The following EFEMP2 variants were observed in gnomAD, a reference collection of about 807,000 sequenced individuals.
The protein encoded by EFEMP2 is EGF-like fibulin extracellular matrix protein 2.
In EFEMP2, 21 loss-of-function variants were observed where a neutral mutation model predicts 55.3. The ratio of observed to expected loss-of-function variants is 0.38; its 90% CI spans 0.27 to 0.55. The LOEUF is 0.55. Ranked by LOEUF, EFEMP2 falls within the 20% of genes least tolerant of loss-of-function variation. EFEMP2 has a pLI of 0.77. For missense variants in EFEMP2, 513 were observed against 615.1 expected (o/e 0.83, Z 1.76); for synonymous variants, 275 against 242.3 (o/e 1.14, Z -1.25).
rs1859976909 is a variant in EFEMP2, at chr11:65,872,238, C to T, written c.111+6G>A. The T allele has an allele frequency of 3.2e-6, 5 of 1,550,948 alleles. No individual in the cohort carries two copies. The highest frequency in any genetic ancestry group is 2.6e-6 in the Non-Finnish European group (3 of 1,146,390). On this transcript the variant is annotated splice_donor_region_variant and intron_variant, in intron 2 of 10. Transcript: ENST00000307998. ...GTCCCAGGCCAGCGGCCCTCACTGTCCCCACCGTGTAGCTGTCGGGCTCTT... is the reference window on the plus strand; with the variant it reads ...GTCCCAGGCCAGCGGCCCTCACTGTTCCCACCGTGTAGCTGTCGGGCTCTT...
chr11:65,870,700 A>G lies in EFEMP2; in HGVS notation c.368-42T>C, dbSNP rs776402137. On this transcript the variant is annotated intron_variant, in intron 4 of 10. Coordinates refer to ENST00000307998, the MANE Select transcript of EFEMP2 (RefSeq NM_016938.5). ...TCAGCCCCTGCCTGGGATCCCGCAC[A>G]CCACCCAACATGACAGATAGTTCCA... is the stretch of plus-strand genomic sequence containing the variant. 2.5e-6 allele frequency: 4 copies of G among 1,613,126 alleles called. No individual in the cohort carries two copies. In the Admixed American group the frequency reaches 5.0e-5, roughly 20 times the overall value.
At chr11:65,867,786 CCGA>C in intron 10 of EFEMP2, 72 bp downstream of exon 10, 3 of 1,547,796 alleles carry the variant, frequency 1.9e-6, no homozygotes, top group Middle Eastern at 1.7e-4. Flanking sequence ...AGCAGCCTGG[CCGA>C]GTTCCCCCTT....
chr11:65,869,860 T>C lies in EFEMP2; in HGVS notation c.724A>G (p.Ser242Gly), dbSNP rs373202527. The C allele has an allele frequency of 6.2e-6, 10 of 1,613,804 alleles. No homozygotes were observed. The Admixed American group carries it at 8.3e-5, about 13-fold the overall frequency. Residue 242 changes from serine (S) to glycine (G), a missense_variant, in exon 7 of 11, where the codon AGT becomes GGT. By Grantham distance (56) the Ser-to-Gly change is moderately conservative (BLOSUM62 0). Transcript: ENST00000307998. ...YELHRDGFSC[S>G]DIDECSYSSY... ...ACAGCAGGGATGGAGCTCTCACCAC[T>C]GCAGGAGAAGCCATCCCGATGCAGC...
chr11:65,871,700 G>C (rs2134752750), intron 3 of EFEMP2: 2 of 600,734 alleles, frequency 3.3e-6, no homozygotes, highest in South Asian at 2.0e-5. Flanking sequence ...CAAAGAGCTG[G>C]GACAGGAGAG....
Position 65,866,795 on chromosome 11 carries a change from G to T in EFEMP2, c.*123C>A. ...CTGCCCCAGCCTGAGGCTTCCTGCA[G>T]TGTGACCCGCCCACCTCAGCCACCA... On this transcript the variant is annotated 3_prime_UTR_variant, in exon 11 of 11. Coordinates refer to ENST00000307998, the MANE Select transcript of EFEMP2 (RefSeq NM_016938.5). The T allele has an allele frequency of 7.8e-7, 1 of 1,286,946 alleles. No individual in the cohort carries two copies. Among genetic ancestry groups the T allele is most frequent in the Non-Finnish European group, 1.1e-6 (1 of 907,498 alleles). The allele number at this position is 1,286,946 out of a possible 1,614,324, so 79.7% of individuals were successfully genotyped here.
In EFEMP2 at chr11:65,870,523, T is replaced by G; in HGVS notation, c.490+13A>C. 1.9e-6 allele frequency: 3 copies of G among 1,613,848 alleles called. No homozygotes were observed. The highest frequency in any genetic ancestry group is 2.5e-6 in the Non-Finnish European group (3 of 1,179,896). On this transcript the variant is annotated intron_variant, in intron 5 of 10. Transcript: ENST00000307998. The stretch of plus-strand genomic sequence containing the variant: ...ACAAAGCCGGGACTACAGAAGCTGC[T>G]TCCTGGACTCACCCACACACTCGGG...
At chr11:65,867,781 C>T (rs1859882389) in intron 10 of EFEMP2, 80 bp downstream of exon 10, 3 of 1,518,496 alleles carry the variant, frequency 2.0e-6, no homozygotes. Flanking sequence ...GGCATAGCAG[C>T]CTGGCCGAGT....
At chr11:65,872,149 G>T in intron 2 of EFEMP2, 95 bp downstream of exon 2, 1 of 1,499,792 alleles carries the variant, frequency 6.7e-7, no homozygotes. Flanking sequence ...CCACCAGCCA[G>T]GGGAGGAAGA....
In EFEMP2 at chr11:65,872,244, C is replaced by T. The variant is rs1859977028; in HGVS notation, c.111G>A (p.Thr37=). 6.4e-7 allele frequency: 1 copy of T among 1,551,248 alleles called. No individual in the cohort carries two copies. The highest frequency in any genetic ancestry group is 8.7e-7 in the Non-Finnish European group (1 of 1,146,674). Residue 37 remains threonine, a splice_region_variant and synonymous_variant, in exon 2 of 11, where the codon ACG becomes ACA. Coordinates refer to ENST00000307998, the MANE Select transcript of EFEMP2 (RefSeq NM_016938.5). Reference sequence around the variant, plus strand: ...GGCCAGCGGCCCTCACTGTCCCCACCGTGTAGCTGTCGGGCTCTTCAGAAT... The same window carrying T: ...GGCCAGCGGCCCTCACTGTCCCCACTGTGTAGCTGTCGGGCTCTTCAGAAT... ...PQDSEEPDSY[T]ECTDGYEWDP...
intron 7 of EFEMP2, chr11:65,869,241 C>T (rs1338087598): frequency 5.2e-6 from 1 of 193,668 alleles, no homozygotes; most frequent in African/African-American, 2.3e-5. Flanking sequence ...CCTCTCTTAG[C>T]TGAATCATGA....
chr11:65,870,847 C>G, intron 4 of EFEMP2, 189 bp from the exon 5 acceptor site: 2 of 796,932 alleles, frequency 2.5e-6, no homozygotes, highest in Non-Finnish European at 4.1e-6. Context: ...AAGGTCCTGT[C>G]CAAACATCCC....
chr11:65,870,328 A>G, intron 5 of EFEMP2, 91 bp from the exon 6 acceptor site: 4 of 1,450,034 alleles, frequency 2.8e-6, no homozygotes, highest in Non-Finnish European at 3.9e-6. Flanking sequence ...TTCACCACCC[A>G]TAATCCTGTG....
intron 5 of EFEMP2, 28 bp downstream of exon 5, chr11:65,870,508 G>A: frequency 6.2e-7 from 1 of 1,613,548 alleles, no homozygotes; most frequent in Non-Finnish European, 8.5e-7. Flanking sequence ...ACAAAGCCGG[G>A]ACTACAGAAG....
intron 10 of EFEMP2, 76 bp from the exon 11 acceptor site, chr11:65,867,155 C>T: frequency 6.3e-7 from 1 of 1,586,378 alleles, no homozygotes; most frequent in Non-Finnish European, 8.6e-7. Context: ...CGTCACCTCC[C>T]TGCCCCGTGG....
chr11:65,871,161 A>G lies in EFEMP2; in HGVS notation c.363T>C (p.Cys121=), dbSNP rs746343857. 82 of 1,613,996 alleles carry G rather than the reference A, an allele frequency of 5.1e-5. No homozygotes were observed. The highest frequency in any genetic ancestry group is 6.4e-5 in the Non-Finnish European group (76 of 1,180,028). The change falls in exon 4 of 11, where the codon TGT becomes TGC. Residue 121 remains cysteine (C), a synonymous_variant. Coordinates refer to ENST00000307998, the MANE Select transcript of EFEMP2 (RefSeq NM_016938.5). ...ACCAGAGCAGTCCCCACTCACCCACACAGCTGTCCTGATCGTCGGGCTCAT... is the reference window on the plus strand; with the variant it reads ...ACCAGAGCAGTCCCCACTCACCCACGCAGCTGTCCTGATCGTCGGGCTCAT... The part of the protein sequence containing the change: ...PGYEPDDQDS[C]VDVDECAQAL...
In EFEMP2 at chr11:65,868,338, C is replaced by G. The variant is rs758052109; in HGVS notation, c.931G>C (p.Asp311His). Residue 311 changes from aspartate to histidine, a missense_variant, in exon 9 of 11, where the codon GAC becomes CAC. Transcript: ENST00000307998. ...VNFHGGYRCV[D>H]TNRCVEPYIQ... ...TAGGGCTCCACGCAGCGGTTGGTGT[C>G]CACGCAGCGGTAGCCCCCATGGAAG... 3.1e-6 allele frequency: 5 copies of G among 1,613,890 alleles called. No homozygotes were observed. The East Asian group carries it at 1.1e-4, about 36-fold the overall frequency.
rs1859882861 is a variant in EFEMP2, at chr11:65,867,799, TA to T, written c.1170+61del. 3 of 1,587,926 alleles carry T rather than the reference TA, an allele frequency of 1.9e-6. No individual in the cohort carries two copies. The East Asian group carries it at 6.7e-5, about 35-fold the overall frequency. On this transcript the variant is annotated intron_variant, in intron 10 of 10. Transcript: ENST00000307998. Reference sequence around the variant, plus strand: ...ATAGCAGCCTGGCCGAGTTCCCCCTTAAGGCGTCCTGGAGTTCAGTTTTAGA... The same window carrying T: ...ATAGCAGCCTGGCCGAGTTCCCCCTTAGGCGTCCTGGAGTTCAGTTTTAGA...
rs990066080 is a variant in EFEMP2, at chr11:65,872,321, G to A, written c.34C>T (p.Leu12=). 20 of 1,551,732 alleles carry A rather than the reference G, an allele frequency of 1.3e-5. No homozygotes were observed. Among genetic ancestry groups the A allele is most frequent in the Middle Eastern group, 3.3e-4 (2 of 5,988 alleles). Residue 12 remains leucine (L), a synonymous_variant, in exon 2 of 11, where the codon CTA becomes TTA. Transcript: ENST00000307998. Reference sequence around the variant, plus strand: ...AACAGTAGCAGCGCCCAGAGCAGTAGAGACCCGGGTAGGCAGGAGGCGCAG... The same window carrying A: ...AACAGTAGCAGCGCCCAGAGCAGTAAAGACCCGGGTAGGCAGGAGGCGCAG... ...LPCASCLPGS[L]LLWALLLLLL... is the part of the protein sequence containing the mutation.
At chr11:65,868,825 TTC>T (rs1240573174) in intron 7 of EFEMP2, 196 bp from the exon 8 acceptor site, 8 of 667,170 alleles carry the variant, frequency 1.2e-5, no homozygotes, top group Non-Finnish European at 2.1e-5. Context: ...GCTCACAGAC[TTC>T]TCTCTGCCCA....
Sources: allele counts gnomAD v4.1 joint callset, GRCh38; gene constraint gnomAD v4.1.1; transcripts MANE v1.5; gene names NCBI Gene and HGNC (gene_info 2026-07-23, HGNC 2026-07-21).